The following SOX6 variants were observed in gnomAD, a reference collection of about 807,000 sequenced individuals.
SOX6 encodes SRY-box transcription factor 6, also known as transcription factor SOX-6.
SOX6 carries 11 observed loss-of-function variants against 97.8 expected under a neutral mutation model. The observed-to-expected ratio is 0.11, with a 90% CI of 0.07 to 0.19. The LOEUF (loss-of-function observed/expected upper bound fraction) is 0.19. Among genes scored for constraint, SOX6 ranks in the 10% least tolerant of loss-of-function variants. The pLI, the probability that SOX6 is intolerant of heterozygous loss-of-function variation, is 1.00. For missense variants in SOX6, 810 were observed against 1,039.5 expected, an observed-to-expected ratio of 0.78 and a Z score of 3.04; for synonymous variants, 360 against 371.4, an observed-to-expected ratio of 0.97 and a Z score of 0.35.
At chr11:16,341,983 G>T (rs772571481) in intron 1 of SOX6, among the ~76,000 whole-genome samples, 1 of 151,968 alleles carries the variant, frequency 6.6e-6, no homozygotes, top group Non-Finnish European at 1.5e-5. Context: ...ATCTGAAATA[G>T]CTATACCTCT....
Position 15,972,598 on chromosome 11 carries a change from A to T in SOX6, c.*211T>A. On this transcript the variant is annotated 3_prime_UTR_variant, in exon 16 of 16. Coordinates refer to ENST00000683767, the MANE Select transcript of SOX6 (RefSeq NM_001367873.1). ...AATATGTCTTCACCTAAATTAAAAA[A>T]ACAACAACAACAACAATAACAATAA... is the stretch of plus-strand genomic sequence containing the variant. 1 of 586,704 alleles carries T rather than the reference A, an allele frequency of 1.7e-6. No individual in the cohort carries two copies. 36.3% of individuals were successfully genotyped at this position (586,704 alleles called of 1,614,324 possible).
intron 5 of SOX6, among the ~76,000 whole-genome samples, chr11:16,185,809 A>G (rs1851458512): frequency 6.6e-6 from 1 of 152,124 alleles, no homozygotes; most frequent in Admixed American, 6.6e-5. Context: ...GTTATTTTCC[A>G]TTAGGGGCTG....
chr11:16,633,635 A>G (rs531964579), intron 3 of SOX6, among the ~76,000 whole-genome samples: 1 of 152,346 alleles, frequency 6.6e-6, no homozygotes, highest in East Asian at 1.9e-4. Context: ...TTCAATAGAA[A>G]GCACAGTGTC....
At chr11:16,654,879 T>C (rs1847702113) in intron 3 of SOX6, among the ~76,000 whole-genome samples, 1 of 152,172 alleles carries the variant, frequency 6.6e-6, no homozygotes, top group Non-Finnish European at 1.5e-5. Context: ...AAATATTTGA[T>C]CACCAGACCC....
intron 3 of SOX6, among the ~76,000 whole-genome samples, chr11:16,286,975 GT>G (rs1277226915): frequency 6.6e-6 from 1 of 151,454 alleles, no homozygotes; most frequent in Non-Finnish European, 1.5e-5. Context: ...CCACCATAAG[GT>G]TTTTTTAATG....
chr11:16,360,392 T>C (rs1214852852), upstream of SOX6, among the ~76,000 whole-genome samples: 1 of 152,228 alleles, frequency 6.6e-6, no homozygotes, highest in Non-Finnish European at 1.5e-5. Context: ...TCCAGAAGCC[T>C]GTCCACAAAA....
chr11:16,209,804 T>G (rs1475803290), intron 4 of SOX6, among the ~76,000 whole-genome samples: 1 of 152,104 alleles, frequency 6.6e-6, no homozygotes, highest in Non-Finnish European at 1.5e-5. Flanking sequence ...ATAAATACAT[T>G]TTTGAATAAA....
upstream of SOX6, among the ~76,000 whole-genome samples, chr11:16,360,438 T>C (rs1857182229): frequency 6.6e-6 from 1 of 152,190 alleles, no homozygotes; most frequent in African/African-American, 2.4e-5. Flanking sequence ...CACGATTACT[T>C]GTGTAACATT....
At chr11:16,397,225 A>G (rs1229885769) in intron 1 of SOX6, among the ~76,000 whole-genome samples, 2 of 151,402 alleles carry the variant, frequency 1.3e-5, no homozygotes, top group Non-Finnish European at 3.0e-5. Context: ...CTAATCATGT[A>G]TTTTTATAAA....
intron 1 of SOX6, among the ~76,000 whole-genome samples, chr11:16,396,591 G>A (rs1023131331): frequency 2.6e-5 from 4 of 151,508 alleles, no homozygotes; most frequent in African/African-American, 9.7e-5. Context: ...GCAATGTAAG[G>A]CAAGTTTAAT....
chr11:15,981,743 A>G (rs1853662121), intron 15 of SOX6, among the ~76,000 whole-genome samples: 1 of 152,126 alleles, frequency 6.6e-6, no homozygotes, highest in Non-Finnish European at 1.5e-5. Flanking sequence ...ATTAAAATGC[A>G]AATGTTCAAA....
chr11:16,269,154 G>T, intron 3 of SOX6, among the ~76,000 whole-genome samples: 1 of 149,910 alleles, frequency 6.7e-6, no homozygotes, highest in Non-Finnish European at 1.5e-5. Flanking sequence ...TTAATATATG[G>T]CTATACCATA....
At chr11:16,539,210 G>A (rs1019828877) in intron 4 of SOX6, among the ~76,000 whole-genome samples, 4 of 152,220 alleles carry the variant, frequency 2.6e-5, no homozygotes, top group African/African-American at 7.2e-5. Context: ...TGAACAACTT[G>A]TTCCTGAATA....
chr11:16,725,934 A>G (rs1241506190), intron 2 of SOX6, among the ~76,000 whole-genome samples: 2 of 152,226 alleles, frequency 1.3e-5, no homozygotes. Flanking sequence ...TTAAATATAA[A>G]GTTAATTGTT....
In SOX6 at chr11:16,737,527, A is replaced by G. The variant is rs527617187; in HGVS notation, n.219+898T>C. On this transcript the variant is annotated intron_variant and non_coding_transcript_variant, in intron 1 of 5. Coordinates refer to the SOX6 transcript ENST00000524520. ...GGCCTAATTTTTGCTTAAAAAAAAA[A>G]AAAATCACATTTGTATTCAAGGTGA... Among the ~76,000 whole-genome samples the G allele has an allele frequency of 5.3e-5, 8 of 152,238 alleles. No homozygotes were observed. The East Asian group carries it at 1.5e-3, about 29-fold the overall frequency.
chr11:16,437,418 C>T (rs1016420995), intron 1 of SOX6, among the ~76,000 whole-genome samples: 11 of 152,172 alleles, frequency 7.2e-5, no homozygotes, highest in Admixed American at 6.5e-4. Context: ...AGCTCCATGA[C>T]AGCAGAGATG....
In SOX6 at chr11:16,132,496, G is replaced by GC. The variant is rs879668091; in HGVS notation, c.778-20574_778-20573insG. The stretch of plus-strand genomic sequence containing the variant: ...AGAAAGAAAGAAAGAAAGAAAGAAA[G>GC]AAAGAAAGAAAGCTTATCTTTGTAT... On this transcript the variant is annotated intron_variant, in intron 6 of 15. Coordinates refer to ENST00000683767, the MANE Select transcript of SOX6 (RefSeq NM_001367873.1). Among the ~76,000 whole-genome samples the GC allele has an allele frequency of 6.5e-3, 956 of 147,654 alleles. 53 individuals are homozygous for GC. Among genetic ancestry groups the GC allele is most frequent in the Middle Eastern group, 0.021 (6 of 288 alleles).
At chr11:16,148,175 G>A (rs538230222) in intron 6 of SOX6, among the ~76,000 whole-genome samples, 1 of 152,230 alleles carries the variant, frequency 6.6e-6, no homozygotes, top group African/African-American at 2.4e-5. Flanking sequence ...AACAGTCTAA[G>A]GCAATTTAAA....
intron 7 of SOX6, chr11:16,110,293 C>A (rs1245623661): frequency 6.6e-6 from 1 of 151,418 alleles, no homozygotes; most frequent in East Asian, 1.9e-4. Flanking sequence ...AACTCAAATT[C>A]AGAATAGAAC....
Sources: allele counts gnomAD v4.1 joint callset (sites outside exome capture counted in the v4.1 genomes callset), GRCh38; gene constraint gnomAD v4.1.1; transcripts MANE v1.5; gene names NCBI Gene and HGNC (gene_info 2026-07-23, HGNC 2026-07-21).